Variants in ARHGAP15 observed in about 807,000 individuals in gnomAD.
ARHGAP15 encodes Rho GTPase activating protein 15.
Under a neutral mutation model 63.7 loss-of-function variants are expected in ARHGAP15, and 51 were observed. The ratio of observed to expected loss-of-function variants is 0.80; its 90% CI spans 0.64 to 1.01. ARHGAP15 has a LOEUF of 1.01. ARHGAP15 is among the 50% of genes least tolerant of loss of function. The pLI is 0.00. For missense variants in ARHGAP15, 560 were observed against 564.6 expected, an observed-to-expected ratio of 0.99 and a Z score of 0.08; for synonymous variants, 191 against 193.8, an observed-to-expected ratio of 0.99 and a Z score of 0.12.
At chr2:143,358,416 C>G (rs953817519) in intron 6 of ARHGAP15, among the ~76,000 whole-genome samples, 5 of 151,456 alleles carry the variant, frequency 3.3e-5, no homozygotes, top group Admixed American at 6.6e-5. Context: ...CATCTAAATA[C>G]AAAAATCTTC....
intron 10 of ARHGAP15, among the ~76,000 whole-genome samples, chr2:143,528,282 G>GTTA (rs759322632): frequency 2.4e-4 from 37 of 152,168 alleles, no homozygotes; most frequent in Middle Eastern, 3.4e-3. Context: ...CACACAGCAA[G>GTTA]TTAAGCCCCA....
intron 3 of ARHGAP15, among the ~76,000 whole-genome samples, chr2:143,206,585 A>T (rs1421074156): frequency 1.3e-5 from 2 of 152,070 alleles, no homozygotes; most frequent in Non-Finnish European, 2.9e-5. Context: ...TCTTGACTCT[A>T]TTCCAGCCCC....
chr2:143,406,546 T>C (rs1051707271), intron 6 of ARHGAP15, among the ~76,000 whole-genome samples: 1 of 151,996 alleles, frequency 6.6e-6, no homozygotes, highest in Non-Finnish European at 1.5e-5. Context: ...TTTGTCAATC[T>C]GTCAATTTAA....
intron 1 of ARHGAP15, among the ~76,000 whole-genome samples, chr2:143,152,912 A>G (rs1405203620): frequency 6.6e-6 from 1 of 151,954 alleles, no homozygotes; most frequent in East Asian, 1.9e-4. Context: ...ATTGTGGTAG[A>G]GAGAGAGATC....
At chr2:143,169,025 C>T (rs1385288521) in intron 2 of ARHGAP15, among the ~76,000 whole-genome samples, 2 of 152,006 alleles carry the variant, frequency 1.3e-5, no homozygotes, top group Non-Finnish European at 2.9e-5. Context: ...GAAGATAATG[C>T]TACATGGCCA....
intron 6 of ARHGAP15, among the ~76,000 whole-genome samples, chr2:143,314,252 TTTTA>T (rs1284546282): frequency 6.6e-6 from 1 of 152,214 alleles, no homozygotes; most frequent in Non-Finnish European, 1.5e-5. Flanking sequence ...CATACGTGAA[TTTTA>T]TTTTATTTTT....
chr2:143,242,780 G>A (rs1211994552), intron 5 of ARHGAP15, among the ~76,000 whole-genome samples: 2 of 152,100 alleles, frequency 1.3e-5, no homozygotes, highest in Admixed American at 1.3e-4. Flanking sequence ...ATAAGATCAG[G>A]TATCCATTCA....
At chr2:143,631,039 C>T (rs778375687) in intron 12 of ARHGAP15, among the ~76,000 whole-genome samples, 80 of 152,090 alleles carry the variant, frequency 5.3e-4, no homozygotes, top group African/African-American at 1.6e-3. Flanking sequence ...CTGTCACTAT[C>T]GATACATTTA....
At chr2:143,297,322 G>A (rs189072329) in intron 6 of ARHGAP15, among the ~76,000 whole-genome samples, 26 of 152,056 alleles carry the variant, frequency 1.7e-4, no homozygotes, top group East Asian at 7.8e-4. Context: ...CATCCATAAT[G>A]CATTCAACTT....
At chr2:143,225,111 T>C (rs990702585) in intron 4 of ARHGAP15, among the ~76,000 whole-genome samples, 6 of 152,244 alleles carry the variant, frequency 3.9e-5, no homozygotes, top group African/African-American at 1.2e-4. Flanking sequence ...CTTGATTTAA[T>C]GCTAGATTGT....
chr2:143,556,388 A>G lies in ARHGAP15; in HGVS notation c.926-20A>G, dbSNP rs375880252. ...CAATTCCTATATGTGCTAATATAAA[A>G]TATGCCCTTTTGTCTTCAGGTCTAG... is the stretch of plus-strand genomic sequence containing the variant. On this transcript the variant is annotated intron_variant, in intron 10 of 13. Coordinates refer to ENST00000295095, the MANE Select transcript of ARHGAP15 (RefSeq NM_018460.4). The G allele has an allele frequency of 1.3e-6, 2 of 1,579,578 alleles. No individual in the cohort carries two copies. Among genetic ancestry groups the G allele is most frequent in the African/African-American group, 1.4e-5 (1 of 73,668 alleles).
At chr2:143,432,903 G>A (rs1689448803) in intron 6 of ARHGAP15, among the ~76,000 whole-genome samples, 1 of 151,992 alleles carries the variant, frequency 6.6e-6, no homozygotes. Flanking sequence ...ATCTAAACCT[G>A]TTATGTTGTC....
chr2:143,527,351 A>G (rs765925686), intron 10 of ARHGAP15, among the ~76,000 whole-genome samples: 42 of 152,044 alleles, frequency 2.8e-4, no homozygotes, highest in Non-Finnish European at 6.0e-4. Flanking sequence ...TTGGGAGGTT[A>G]TCTTATAGAC....
intron 13 of ARHGAP15, 131 bp from the exon 14 acceptor site, chr2:143,767,858 G>A (rs1053625916): frequency 3.4e-6 from 3 of 871,184 alleles, no homozygotes; most frequent in African/African-American, 3.4e-5. Flanking sequence ...AAAGTATGTA[G>A]GGTAGAAGAT....
At chr2:143,310,162 G>C (rs558906023) in intron 6 of ARHGAP15, among the ~76,000 whole-genome samples, 28 of 152,086 alleles carry the variant, frequency 1.8e-4, no homozygotes, top group Admixed American at 1.6e-3. Flanking sequence ...AACATAAGCA[G>C]TCTGATGTTA....
At chr2:143,608,453 C>G (rs560796347) in intron 11 of ARHGAP15, 2 of 152,162 alleles carry the variant, frequency 1.3e-5, no homozygotes, top group African/African-American at 4.8e-5. Context: ...AGGGCACAGG[C>G]CCACACGTCT....
chr2:143,264,184 G>T (rs1348038333), intron 6 of ARHGAP15, among the ~76,000 whole-genome samples: 2 of 151,818 alleles, frequency 1.3e-5, no homozygotes, highest in African/African-American at 4.8e-5. Context: ...ATGGATTGTT[G>T]TCCACTCTAT....
intron 6 of ARHGAP15, among the ~76,000 whole-genome samples, chr2:143,432,712 CA>C (rs1689440775): frequency 6.6e-6 from 1 of 151,988 alleles, no homozygotes; most frequent in African/African-American, 2.4e-5. Context: ...TGAAAAAGTT[CA>C]AGACAAATTT....
chr2:143,416,961 C>T (rs72852772), intron 6 of ARHGAP15, among the ~76,000 whole-genome samples: 2,552 of 152,058 alleles, frequency 0.017, 52 homozygotes, highest in Non-Finnish European at 0.024. Flanking sequence ...TACCAATTCG[C>T]TTTTCAGGGA....
Sources: allele counts gnomAD v4.1 joint callset (sites outside exome capture counted in the v4.1 genomes callset), GRCh38; gene constraint gnomAD v4.1.1; transcripts MANE v1.5; gene names NCBI Gene and HGNC (gene_info 2026-07-23, HGNC 2026-07-21).